MSH3: variants seen among roughly 807,000 people sequenced by gnomAD.
MSH3 encodes the protein mutS homolog 3, also known as DNA mismatch repair protein Msh3.
Under a neutral mutation model 123.3 loss-of-function variants are expected in MSH3, and 106 were observed. That is an observed-to-expected ratio of 0.86 (90% CI 0.73 to 1.01). MSH3 has a LOEUF of 1.01. MSH3 is among the 50% of genes least tolerant of loss of function. MSH3 has a pLI of 0.00. For missense variants in MSH3, 1,459 were observed against 1,347.6 expected (o/e 1.08, Z -1.29); for synonymous variants, 515 against 481.4 (o/e 1.07, Z -0.91).
chr5:80,859,196 C>T (rs1347002543), intron 21 of MSH3, among the ~76,000 whole-genome samples: 3 of 152,170 alleles, frequency 2.0e-5, no homozygotes, highest in African/African-American at 7.2e-5. Flanking sequence ...TCTCAGCTCA[C>T]TGCAACCTCT....
intron 20 of MSH3, among the ~76,000 whole-genome samples, chr5:80,853,399 C>T (rs1245480764): frequency 2.6e-5 from 4 of 151,574 alleles, no homozygotes; most frequent in Non-Finnish European, 5.9e-5. Context: ...CACTTGAGCC[C>T]AGGAGGCAGA....
intron 15 of MSH3, among the ~76,000 whole-genome samples, chr5:80,771,776 C>CA (rs1308182289): frequency 6.6e-6 from 1 of 152,008 alleles, no homozygotes; most frequent in African/African-American, 2.4e-5. Context: ...GTCTGTAAAT[C>CA]CAGTGTTATT....
intron 8 of MSH3, among the ~76,000 whole-genome samples, chr5:80,705,492 A>G (rs6151690): frequency 0.012 from 1,768 of 152,276 alleles, 34 homozygotes; most frequent in African/African-American, 0.04. Flanking sequence ...TCTCTCTTCA[A>G]TCTGTTTGAT....
At chr5:80,722,036 G>GA (rs1019041915) in intron 8 of MSH3, among the ~76,000 whole-genome samples, 1 of 151,628 alleles carries the variant, frequency 6.6e-6, no homozygotes, top group African/African-American at 2.4e-5. Context: ...TTTTTGTGAA[G>GA]AAAAAAAATA....
At chr5:80,681,750 C>T (rs836803) in intron 8 of MSH3, among the ~76,000 whole-genome samples, 18,525 of 151,608 alleles carry the variant, frequency 0.12, 1,302 homozygotes, top group Middle Eastern at 0.2. Flanking sequence ...ATAACAATGG[C>T]GAAATTCAAT....
chr5:80,669,188 G>A (rs759842577), intron 3 of MSH3, among the ~76,000 whole-genome samples: 3 of 152,084 alleles, frequency 2.0e-5, no homozygotes, highest in Non-Finnish European at 2.9e-5. Flanking sequence ...TAAACATTTG[G>A]GAACTACAAA....
chr5:80,676,718 G>A (rs769452512), intron 7 of MSH3, among the ~76,000 whole-genome samples: 13 of 152,146 alleles, frequency 8.5e-5, no homozygotes, highest in African/African-American at 1.7e-4. Context: ...TGAGAAGCAC[G>A]TTTTATCTAG....
intron 17 of MSH3, among the ~76,000 whole-genome samples, chr5:80,786,201 T>G (rs1161080357): frequency 6.6e-6 from 1 of 152,116 alleles, no homozygotes; most frequent in Non-Finnish European, 1.5e-5. Context: ...TTATTTCTAT[T>G]TTATTTCTAT....
At position 80,665,308 on chromosome 5, in the gene MSH3, T is replaced by G. The variant is rs753594929; in HGVS notation, c.524T>G (p.Leu175Arg). The part of the protein sequence containing the change: ...KCTDFDDISL[L>R]HAKNAVSSED... ...ACTGATTTTGATGATATCAGTCTTC[T>G]ACACGCAAAGAATGCAGTTTCTTCT... is the stretch of plus-strand genomic sequence containing the variant. The change falls in exon 3 of 24, where the codon CTA becomes CGA. Residue 175 changes from leucine (L) to arginine (R), a missense_variant. Coordinates refer to ENST00000265081, the MANE Select transcript of MSH3 (RefSeq NM_002439.5). 1 of 1,613,742 alleles carries G rather than the reference T, an allele frequency of 6.2e-7. No homozygotes were observed. Among genetic ancestry groups the G allele is most frequent in the African/African-American group, 1.3e-5 (1 of 75,054 alleles).
intron 17 of MSH3, among the ~76,000 whole-genome samples, chr5:80,781,974 T>A (rs1032442687): frequency 6.6e-6 from 1 of 152,166 alleles, no homozygotes. Flanking sequence ...AAGAAAATCA[T>A]GTAAAGTAAA....
chr5:80,759,915 A>C (rs952391808), intron 12 of MSH3, among the ~76,000 whole-genome samples: 5 of 152,166 alleles, frequency 3.3e-5, no homozygotes, highest in Admixed American at 1.3e-4. Context: ...TTCTGCATGC[A>C]AGAGTATGAG....
intron 19 of MSH3, among the ~76,000 whole-genome samples, chr5:80,807,140 A>G (rs1348428690): frequency 7.1e-6 from 1 of 140,470 alleles, no homozygotes; most frequent in Non-Finnish European, 1.5e-5. Flanking sequence ...ACAGTGAGTC[A>G]TGTTTGCACC....
chr5:80,728,632 G>A (rs1743345574), intron 9 of MSH3, among the ~76,000 whole-genome samples: 2 of 151,970 alleles, frequency 1.3e-5, no homozygotes, highest in Non-Finnish European at 2.9e-5. Flanking sequence ...TCAGAAAAAT[G>A]CCCTTTTTTT....
chr5:80,670,017 C>A, intron 3 of MSH3, 80 bp from the exon 4 acceptor site: 2 of 1,358,232 alleles, frequency 1.5e-6, no homozygotes, highest in Non-Finnish European at 2.1e-6. Flanking sequence ...TAGCTTTTTG[C>A]CAGATTTGCA....
chr5:80,797,166 A>G (rs1026604993), intron 19 of MSH3, among the ~76,000 whole-genome samples: 2 of 147,646 alleles, frequency 1.4e-5, no homozygotes, highest in Admixed American at 6.9e-5. Flanking sequence ...TCCTTTGCCC[A>G]GCTGGGATGG....
At chr5:80,775,151 TC>T (rs1744277178) in intron 15 of MSH3, among the ~76,000 whole-genome samples, 1 of 152,068 alleles carries the variant, frequency 6.6e-6, no homozygotes, top group Non-Finnish European at 1.5e-5. Flanking sequence ...AAGAAAACTC[TC>T]ATATGGGAAG....
chr5:80,739,243 A>C (rs1432524420), intron 10 of MSH3, among the ~76,000 whole-genome samples: 1 of 152,238 alleles, frequency 6.6e-6, no homozygotes, highest in Non-Finnish European at 1.5e-5. Context: ...GTTAGATACC[A>C]ACTCAGAGCC....
chr5:80,853,980 T>C (rs1745872878), intron 20 of MSH3, 150 bp from the exon 21 acceptor site: 1 of 668,236 alleles, frequency 1.5e-6, no homozygotes, highest in African/African-American at 1.8e-5. Flanking sequence ...ATCCAACATG[T>C]TTTCTTTTGT....
intron 12 of MSH3, among the ~76,000 whole-genome samples, chr5:80,755,159 C>T (rs1025989333): frequency 5.3e-5 from 8 of 152,084 alleles, no homozygotes; most frequent in Non-Finnish European, 8.8e-5. Context: ...TTTCCTCTGC[C>T]GGTTTGAATG....
Sources: allele counts gnomAD v4.1 joint callset (sites outside exome capture counted in the v4.1 genomes callset), GRCh38; gene constraint gnomAD v4.1.1; transcripts MANE v1.5; gene names NCBI Gene and HGNC (gene_info 2026-07-23, HGNC 2026-07-21).